Variants in CADM2 observed in about 807,000 individuals in gnomAD.
The protein encoded by CADM2 is immunoglobulin superfamily member 4D.
CADM2 carries 12 observed loss-of-function variants against 49.8 expected under a neutral mutation model. That is an observed-to-expected ratio of 0.24 (90% confidence interval 0.15 to 0.39). The LOEUF (loss-of-function observed/expected upper bound fraction) is 0.39, where lower values mean the gene tolerates loss of function less well. Ranked by LOEUF, CADM2 falls within the 10% of genes least tolerant of loss-of-function variation. CADM2 has a pLI of 1.00. For missense variants in CADM2, 378 were observed against 492.3 expected (o/e 0.77, Z 2.20); for synonymous variants, 214 against 175.4 (o/e 1.22, Z -1.74).
At chr3:85,751,548 C>G (rs899181379) in intron 2 of CADM2, among the ~76,000 whole-genome samples, 3 of 152,028 alleles carry the variant, frequency 2.0e-5, no homozygotes, top group Non-Finnish European at 2.9e-5. Flanking sequence ...ATCAATACAC[C>G]CATGTGTTGA....
At chr3:85,716,555 T>G (rs542595751) in intron 1 of CADM2, among the ~76,000 whole-genome samples, 7 of 152,320 alleles carry the variant, frequency 4.6e-5, no homozygotes, top group Non-Finnish European at 1.0e-4. Context: ...TTGTTTCTGG[T>G]GTTTTAATCA....
rs55882841 is a variant in CADM2, at chr3:85,442,588, GTATATATATA to G, written c.62-283898_62-283889del. On this transcript the variant is annotated intron_variant, in intron 1 of 9. Coordinates refer to ENST00000383699, the MANE Select transcript of CADM2 (RefSeq NM_001167675.2). ...TATTTAAAATAATGCTTATATATGA[GTATATATATA>G]TATATATATATATATATATATATAT... Among the ~76,000 whole-genome samples the G allele has an allele frequency of 8.1e-3, 981 of 120,872 alleles. 16 individuals are homozygous for G. The highest frequency in any genetic ancestry group is 0.04 in the African/African-American group (877 of 22,136). The allele number at this position is 120,872 out of a possible 152,430, so 79.3% of individuals were successfully genotyped here.
intron 1 of CADM2, among the ~76,000 whole-genome samples, chr3:84,963,822 T>A (rs1303794435): frequency 6.6e-6 from 1 of 152,182 alleles, no homozygotes; most frequent in Non-Finnish European, 1.5e-5. Flanking sequence ...ATTTTACCTT[T>A]ACATGTGTTA....
At chr3:85,463,781 C>T (rs1319474628) in intron 1 of CADM2, among the ~76,000 whole-genome samples, 1 of 151,928 alleles carries the variant, frequency 6.6e-6, no homozygotes, top group East Asian at 1.9e-4. Flanking sequence ...TATTGTTTCG[C>T]TCATTTTCTG....
At chr3:86,036,381 GTCCTAGGCATCT>G (rs1436988932) in intron 8 of CADM2, among the ~76,000 whole-genome samples, 1 of 152,002 alleles carries the variant, frequency 6.6e-6, no homozygotes, top group Non-Finnish European at 1.5e-5. Flanking sequence ...TCTGAGTTGT[GTCCTAGGCATCT>G]TCCTGGGTTT....
intron 2 of CADM2, among the ~76,000 whole-genome samples, chr3:85,782,969 A>G (rs56075545): frequency 0.014 from 2,198 of 152,268 alleles, 56 homozygotes; most frequent in African/African-American, 0.051. Flanking sequence ...AGATTCAGTA[A>G]ACAGTGCAAA....
At chr3:85,702,116 T>C (rs1273660307) in intron 1 of CADM2, among the ~76,000 whole-genome samples, 5 of 152,292 alleles carry the variant, frequency 3.3e-5, no homozygotes, top group African/African-American at 1.2e-4. Context: ...AGCATAGGGC[T>C]GTGCTACCTG....
chr3:85,977,080 C>T (rs576412366), intron 8 of CADM2, among the ~76,000 whole-genome samples: 30 of 150,556 alleles, frequency 2.0e-4, no homozygotes, highest in African/African-American at 4.6e-4. Flanking sequence ...TATTGGTTGA[C>T]GTGGTATAAG....
intron 3 of CADM2, among the ~76,000 whole-genome samples, chr3:85,839,640 A>G (rs1047609567): frequency 6.6e-6 from 1 of 151,830 alleles, no homozygotes; most frequent in African/African-American, 2.4e-5. Context: ...GATGAGGGGA[A>G]GTGGGACTGA....
intron 1 of CADM2, among the ~76,000 whole-genome samples, chr3:85,311,871 T>C (rs568884387): frequency 1.3e-5 from 2 of 152,206 alleles, no homozygotes; most frequent in East Asian, 3.9e-4. Flanking sequence ...CAATAAATCC[T>C]CCAGCAGAAA....
At chr3:85,814,760 T>G (rs2073105533) in intron 3 of CADM2, among the ~76,000 whole-genome samples, 1 of 152,030 alleles carries the variant, frequency 6.6e-6, no homozygotes, top group South Asian at 2.1e-4. Context: ...TATAGAATTC[T>G]ATAGTATATT....
intron 1 of CADM2, among the ~76,000 whole-genome samples, chr3:85,529,351 A>G (rs1219310499): frequency 1.3e-5 from 2 of 152,174 alleles, no homozygotes; most frequent in African/African-American, 4.8e-5. Context: ...AGAAATAATT[A>G]AGCAGTAGGT....
intron 1 of CADM2, among the ~76,000 whole-genome samples, chr3:85,039,457 G>A (rs1469339930): frequency 6.6e-6 from 1 of 151,138 alleles, no homozygotes; most frequent in Admixed American, 6.6e-5. Flanking sequence ...CCACCTTATA[G>A]TTCTAGTAAT....
intron 6 of CADM2, among the ~76,000 whole-genome samples, chr3:85,933,968 TCTC>T (rs1249163582): frequency 1.3e-5 from 2 of 152,028 alleles, no homozygotes; most frequent in African/African-American, 4.8e-5. Context: ...TTAATGTTAA[TCTC>T]CTCCAAAAAA....
At chr3:85,520,122 T>C (rs562001711) in intron 1 of CADM2, among the ~76,000 whole-genome samples, 4 of 151,988 alleles carry the variant, frequency 2.6e-5, no homozygotes, top group Non-Finnish European at 5.9e-5. Flanking sequence ...TTGTTTATGA[T>C]TGATTAAAGG....
rs192646084 is a variant in CADM2, at chr3:85,945,730, C to T, written c.791+9873C>T. Among the ~76,000 whole-genome samples the T allele has an allele frequency of 3.2e-3, 494 of 152,108 alleles. 1 individual carries two copies. The highest frequency in any genetic ancestry group is 0.011 in the African/African-American group (468 of 41,508). On this transcript the variant is annotated intron_variant, in intron 7 of 9. Transcript: ENST00000383699. ...AAGGCCTTTGATAAAATTCAACAGC[C>T]CTTCATGCTAAAAACTCTCAATAAA... is the stretch of plus-strand genomic sequence containing the variant.
chr3:85,202,101 C>G lies in CADM2; in HGVS notation c.61+242433C>G, dbSNP rs553419383. 3.9e-4 allele frequency among the ~76,000 whole-genome samples: 46 copies of G among 119,208 alleles called. No homozygotes were observed. The South Asian group carries it at 6.9e-3, about 18-fold the overall frequency. The allele number at this position is 119,208 out of a possible 152,430, so 78.2% of individuals were successfully genotyped here. A position where few individuals can be genotyped will look rare whatever the true frequency, so the allele number is the denominator to read the frequency against. ...CTGAAAAAAAAAAAAAAAAAAAAAG[C>G]AACTTCTCATCTGTTCAAGTTTTAT... On this transcript the variant is annotated intron_variant, in intron 1 of 9. Transcript: ENST00000383699.
intron 1 of CADM2, among the ~76,000 whole-genome samples, chr3:85,311,620 C>T (rs2044346782): frequency 1.3e-5 from 2 of 152,086 alleles, no homozygotes; most frequent in African/African-American, 2.4e-5. Context: ...TCGTGATCCG[C>T]CCGCCTCGGC....
chr3:85,638,542 T>C (rs992730460), intron 1 of CADM2, among the ~76,000 whole-genome samples: 1 of 152,140 alleles, frequency 6.6e-6, no homozygotes, highest in Non-Finnish European at 1.5e-5. Flanking sequence ...ATTCACATAA[T>C]GTTGATGTTT....
Sources: gnomAD v4.1 joint callset for allele counts (sites outside exome capture counted in the v4.1 genomes callset) on GRCh38, gnomAD v4.1.1 for gene constraint, MANE v1.5 for transcripts, NCBI Gene and HGNC (gene_info 2026-07-23, HGNC 2026-07-21) for gene names.